RUNDC3B: variants seen among roughly 807,000 people sequenced by gnomAD.
RUNDC3B encodes the protein RUN domain containing 3B.
Under a neutral mutation model 58.4 loss-of-function variants are expected in RUNDC3B, and 33 were observed. The observed-to-expected ratio is 0.56, with a 90% confidence interval of 0.43 to 0.75. The LOEUF (loss-of-function observed/expected upper bound fraction) is 0.75, where lower values mean the gene tolerates loss of function less well. Ranked by LOEUF, RUNDC3B falls within the 30% of genes least tolerant of loss-of-function variation. The pLI is 0.00. For missense variants in RUNDC3B, 501 were observed against 535.7 expected (o/e 0.94, Z 0.64); for synonymous variants, 193 against 195.2 (o/e 0.99, Z 0.10).
intron 10 of RUNDC3B, among the ~76,000 whole-genome samples, chr7:87,827,962 G>A (rs1389706916): frequency 1.3e-5 from 2 of 152,012 alleles, no homozygotes; most frequent in African/African-American, 4.8e-5. Flanking sequence ...TGACCATTCT[G>A]GGCAACACAG....
chr7:87,650,551 A>G lies in RUNDC3B; in HGVS notation c.123-271A>G, dbSNP rs1823474555. Among the ~76,000 whole-genome samples, 3 of 152,098 alleles carry G rather than the reference A, an allele frequency of 2.0e-5. No homozygotes were observed. In the South Asian group the frequency reaches 6.2e-4, roughly 32 times the overall value. Reference sequence around the variant, plus strand: ...CCTCCCAAAGGCACCCACCCTTAATACTATTGCTTTGGAGATTAGGTATCA... The same window carrying G: ...CCTCCCAAAGGCACCCACCCTTAATGCTATTGCTTTGGAGATTAGGTATCA... On this transcript the variant is annotated intron_variant, in intron 1 of 10. Coordinates refer to ENST00000394654, the MANE Select transcript of RUNDC3B (RefSeq NM_001134405.2).
At chr7:87,808,730 T>C (rs1400660863) in intron 9 of RUNDC3B, among the ~76,000 whole-genome samples, 1 of 152,130 alleles carries the variant, frequency 6.6e-6, no homozygotes, top group Non-Finnish European at 1.5e-5. Flanking sequence ...ATGAAAGTTA[T>C]TAATAACTAG....
At position 87,671,784 on chromosome 7, in the gene RUNDC3B, G is replaced by A. The variant is rs563683277; in HGVS notation, c.238+20847G>A. On this transcript the variant is annotated intron_variant, in intron 2 of 10. Coordinates refer to ENST00000394654, the MANE Select transcript of RUNDC3B (RefSeq NM_001134405.2). Reference sequence around the variant, plus strand: ...GTGCTGGAGGTCCACTTCAGCCCCCGGTTGCCTCAGACACTCTGAAACCTG... The same window carrying A: ...GTGCTGGAGGTCCACTTCAGCCCCCAGTTGCCTCAGACACTCTGAAACCTG... 9.2e-5 allele frequency among the ~76,000 whole-genome samples: 14 copies of A among 152,222 alleles called. No individual in the cohort carries two copies. In the South Asian group the frequency reaches 2.5e-3, roughly 27 times the overall value.
At chr7:87,754,494 A>T (rs1468399102) in intron 6 of RUNDC3B, among the ~76,000 whole-genome samples, 2 of 152,220 alleles carry the variant, frequency 1.3e-5, no homozygotes, top group Non-Finnish European at 2.9e-5. Context: ...TGTAGGAAAG[A>T]TCTCAAATTA....
At chr7:87,672,769 T>C (rs563350176) in intron 2 of RUNDC3B, among the ~76,000 whole-genome samples, 2 of 152,240 alleles carry the variant, frequency 1.3e-5, no homozygotes, top group African/African-American at 4.8e-5. Context: ...TTTCCTGAGG[T>C]CACACATTGA....
intron 8 of RUNDC3B, among the ~76,000 whole-genome samples, chr7:87,793,166 AC>A (rs546461399): frequency 7.5e-4 from 114 of 152,210 alleles, no homozygotes; most frequent in African/African-American, 2.7e-3. Context: ...CAAAACCTGA[AC>A]AGATCAATAA....
rs562677790 is a variant in RUNDC3B, at chr7:87,681,159, C to T, written c.239-19262C>T. ...TAAAGAAGTAGATAACACAAATAGTCCTATATCTATTAAAGAAGTTGAATC... is the reference window on the plus strand; with the variant it reads ...TAAAGAAGTAGATAACACAAATAGTTCTATATCTATTAAAGAAGTTGAATC... On this transcript the variant is annotated intron_variant, in intron 2 of 10. Transcript: ENST00000394654. Among the ~76,000 whole-genome samples, 36 of 150,588 alleles carry T rather than the reference C, an allele frequency of 2.4e-4. 3 individuals are homozygous for T. Among genetic ancestry groups the T allele is most frequent in the African/African-American group, 8.1e-4 (33 of 40,672 alleles).
rs985870931 is a variant in RUNDC3B at position 87,713,556 on chromosome 7, T to G, written c.458+2901T>G. Among the ~76,000 whole-genome samples the G allele has an allele frequency of 8.6e-5, 13 of 151,736 alleles. 1 individual carries two copies. The highest frequency in any genetic ancestry group is 8.8e-5 in the Non-Finnish European group (6 of 67,962). On this transcript the variant is annotated intron_variant, in intron 4 of 10. Transcript: ENST00000394654. ...AAAACAAACAAAAACCTCGAAGAGT[T>G]ACATGGCTTAGGGATTGGGGTATAA...
intron 1 of RUNDC3B, among the ~76,000 whole-genome samples, chr7:87,632,643 C>T (rs1038497160): frequency 3.9e-5 from 6 of 152,210 alleles, no homozygotes; most frequent in Admixed American, 1.3e-4. Flanking sequence ...AAGTTGTTAA[C>T]GCCCTTCAGA....
chr7:87,659,472 A>T (rs1366522056), intron 2 of RUNDC3B, among the ~76,000 whole-genome samples: 1 of 151,878 alleles, frequency 6.6e-6, no homozygotes, highest in Non-Finnish European at 1.5e-5. Flanking sequence ...ACCTTTCTTT[A>T]TGTCCCTTTA....
chr7:87,727,531 C>T (rs1286257558), intron 4 of RUNDC3B, among the ~76,000 whole-genome samples: 2 of 151,916 alleles, frequency 1.3e-5, no homozygotes, highest in Admixed American at 1.3e-4. Flanking sequence ...TTAAGTTATT[C>T]ATTTTTATGA....
At chr7:87,679,127 C>G (rs1231246275) in intron 2 of RUNDC3B, among the ~76,000 whole-genome samples, 1 of 115,332 alleles carries the variant, frequency 8.7e-6, no homozygotes, top group Admixed American at 1.0e-4. Context: ...GAGTCCCGCT[C>G]TTTCCCCCAG....
chr7:87,671,558 C>A (rs2130522532), intron 2 of RUNDC3B, among the ~76,000 whole-genome samples: 1 of 152,238 alleles, frequency 6.6e-6, no homozygotes, highest in Admixed American at 6.5e-5. Flanking sequence ...CCAGTGAAGG[C>A]CGCAAAACAG....
intron 2 of RUNDC3B, among the ~76,000 whole-genome samples, chr7:87,678,968 T>A (rs1268552982): frequency 6.6e-6 from 1 of 152,034 alleles, no homozygotes; most frequent in Admixed American, 6.6e-5. Flanking sequence ...AAATCTACAT[T>A]ATACTTAGCA....
intron 8 of RUNDC3B, among the ~76,000 whole-genome samples, chr7:87,800,214 G>A (rs889340571): frequency 2.0e-5 from 3 of 152,116 alleles, no homozygotes; most frequent in Non-Finnish European, 4.4e-5. Context: ...CAGCATCTGG[G>A]GTGAGGAAGA....
At chr7:87,708,364 T>A (rs948029361) in intron 3 of RUNDC3B, among the ~76,000 whole-genome samples, 1 of 152,084 alleles carries the variant, frequency 6.6e-6, no homozygotes, top group African/African-American at 2.4e-5. Context: ...TATGAATAAC[T>A]TCACATCTAT....
At chr7:87,797,852 C>G (rs146848705) in intron 8 of RUNDC3B, among the ~76,000 whole-genome samples, 1 of 152,066 alleles carries the variant, frequency 6.6e-6, no homozygotes, top group African/African-American at 2.4e-5. Context: ...TTTTGCGATG[C>G]GAATTAACTT....
chr7:87,696,959 C>T (rs1218634380), intron 2 of RUNDC3B, among the ~76,000 whole-genome samples: 1 of 152,202 alleles, frequency 6.6e-6, no homozygotes, highest in African/African-American at 2.4e-5. Context: ...TTTTCTGTCT[C>T]TGTTTTCTCT....
At chr7:87,675,363 T>C (rs568013845) in intron 2 of RUNDC3B, among the ~76,000 whole-genome samples, 1 of 152,196 alleles carries the variant, frequency 6.6e-6, no homozygotes, top group East Asian at 1.9e-4. Flanking sequence ...TTTCCTAAAA[T>C]TTATATCAAA....
Sources: allele counts gnomAD v4.1 joint callset (sites outside exome capture counted in the v4.1 genomes callset), GRCh38; gene constraint gnomAD v4.1.1; transcripts MANE v1.5; gene names NCBI Gene and HGNC (gene_info 2026-07-23, HGNC 2026-07-21).